Variants in PAX7 observed in about 807,000 individuals in gnomAD.
The protein encoded by PAX7 is paired box 7.
In PAX7, 18 loss-of-function variants were observed where a neutral mutation model predicts 50.7. The observed-to-expected ratio is 0.36, with a 90% confidence interval of 0.25 to 0.53. PAX7 has a LOEUF of 0.53. Ranked by LOEUF, PAX7 falls within the 20% of genes least tolerant of loss-of-function variation. The pLI, the probability that PAX7 is intolerant of heterozygous loss-of-function variation, is 0.93. For synonymous variants in PAX7, 310 were observed against 290.4 expected, an observed-to-expected ratio of 1.07 and a Z score of -0.69; for missense variants, 644 against 702.9, an observed-to-expected ratio of 0.92 and a Z score of 0.95.
At chr1:18,679,335 G>C (rs1437410348) in intron 4 of PAX7, among the ~76,000 whole-genome samples, 2 of 152,248 alleles carry the variant, frequency 1.3e-5, no homozygotes, top group African/African-American at 4.8e-5. Flanking sequence ...CAGCACTGAG[G>C]AGGGGTGAGG....
chr1:18,643,615 A>G (rs1226865084), intron 4 of PAX7, among the ~76,000 whole-genome samples: 1 of 151,974 alleles, frequency 6.6e-6, no homozygotes, highest in Non-Finnish European at 1.5e-5. Flanking sequence ...GCGGGAGAGC[A>G]CGGGCCGAGA....
At chr1:18,703,059 C>G (rs2089241186) in intron 6 of PAX7, 35 bp from the exon 7 acceptor site, 2 of 1,588,464 alleles carry the variant, frequency 1.3e-6, no homozygotes, top group East Asian at 4.5e-5. Context: ...AGGATGAGGC[C>G]ACTTGCTTAG....
In PAX7 at chr1:18,705,993, C is replaced by G. The variant is rs143135533; in HGVS notation, c.1155+2697C>G. Among the ~76,000 whole-genome samples, 206 of 152,218 alleles carry G rather than the reference C, an allele frequency of 1.4e-3. 4 individuals are homozygous for G. The South Asian group carries it at 0.017, about 13-fold the overall frequency. ...CGGGTGCAGGGGCAGCAGGGCAGGCCGTGTGTGCTTCTGTGCATGTAAACC... is the reference window on the plus strand; with the variant it reads ...CGGGTGCAGGGGCAGCAGGGCAGGCGGTGTGTGCTTCTGTGCATGTAAACC... On this transcript the variant is annotated intron_variant, in intron 7 of 8. Transcript: ENST00000420770.
chr1:18,693,730 C>G (rs377345315), intron 5 of PAX7, among the ~76,000 whole-genome samples: 1 of 152,156 alleles, frequency 6.6e-6, no homozygotes, highest in South Asian at 2.1e-4. Context: ...AGGCCTCCCT[C>G]CCGCTCTGAT....
At chr1:18,650,456 G>A (rs1336044351) in intron 4 of PAX7, among the ~76,000 whole-genome samples, 1 of 152,208 alleles carries the variant, frequency 6.6e-6, no homozygotes, top group South Asian at 2.1e-4. Flanking sequence ...GATGGTGCTG[G>A]AAGGAGGATT....
chr1:18,715,701 T>C (rs1315408365), intron 7 of PAX7, among the ~76,000 whole-genome samples: 1 of 152,144 alleles, frequency 6.6e-6, no homozygotes, highest in African/African-American at 2.4e-5. Context: ...TTCTGTAAGG[T>C]GAGGCTAATA....
intron 8 of PAX7, among the ~76,000 whole-genome samples, chr1:18,740,508 G>C (rs573015128): frequency 6.6e-6 from 1 of 152,238 alleles, no homozygotes; most frequent in South Asian, 2.1e-4. Context: ...GAAGGAGAAC[G>C]CTGATACCTA....
chr1:18,744,008 C>A (rs1320687228), intron 8 of PAX7, among the ~76,000 whole-genome samples: 1 of 152,226 alleles, frequency 6.6e-6, no homozygotes, highest in Non-Finnish European at 1.5e-5. Flanking sequence ...GGCACACACA[C>A]CCTCAGACAC....
chr1:18,713,687 T>TAGTCAG (rs2100350753), intron 7 of PAX7, among the ~76,000 whole-genome samples: 1 of 152,240 alleles, frequency 6.6e-6, no homozygotes, highest in African/African-American at 2.4e-5. Context: ...GTGTGATTTC[T>TAGTCAG]AGTCAGACAG....
At position 18,639,848 on chromosome 1, in the gene PAX7, C is replaced by A. The variant is rs2282712; in HGVS notation, c.586+3477C>A. On this transcript the variant is annotated intron_variant, in intron 4 of 8. Coordinates refer to ENST00000420770, the MANE Select transcript of PAX7 (RefSeq NM_001135254.2). ...TGCACCAGTTTAAGCCAAAACTGAC[C>A]GGATCAGACCAGGGGCTCCGCTTTG... is the stretch of plus-strand genomic sequence containing the variant. Among the ~76,000 whole-genome samples, 130 of 152,228 alleles carry A rather than the reference C, an allele frequency of 8.5e-4. 5 individuals are homozygous for A. The East Asian group carries it at 0.023, about 27-fold the overall frequency.
intron 7 of PAX7, among the ~76,000 whole-genome samples, chr1:18,727,371 T>TAC (rs56258552): frequency 0.12 from 16,343 of 133,938 alleles, 1,178 homozygotes; most frequent in Non-Finnish European, 0.18. Flanking sequence ...CTCTCTCTCA[T>TAC]ACACACACAC....
At position 18,636,337 on chromosome 1, in the gene PAX7, C is replaced by G; in HGVS notation, c.552C>G (p.Ala184=). The G allele has an allele frequency of 6.2e-7, 1 of 1,614,208 alleles. No homozygotes were observed. Among genetic ancestry groups the G allele is most frequent in the Non-Finnish European group, 8.5e-7 (1 of 1,180,018 alleles). ...AGGAGGACGACGGCGAAAAGAAGGCCAAACACAGCATCGACGGCATCCTGG... is the reference window on the plus strand; with the variant it reads ...AGGAGGACGACGGCGAAAAGAAGGCGAAACACAGCATCGACGGCATCCTGG... ...DKKEDDGEKK[A]KHSIDGILGD... is the part of the protein sequence containing the mutation. The change falls in exon 4 of 9, where the codon GCC becomes GCG. Residue 184 remains alanine (A), a synonymous_variant. Coordinates refer to ENST00000420770, the MANE Select transcript of PAX7 (RefSeq NM_001135254.2). The surrounding 1 kb of genome is among the most constrained non-coding windows in gnomAD (Gnocchi z 5.1).
At position 18,746,887 on chromosome 1, in the gene PAX7, A is replaced by G. The variant is rs1187356818; in HGVS notation, c.*1958A>G. 2 of 231,552 alleles carry G rather than the reference A, an allele frequency of 8.6e-6. No individual in the cohort carries two copies. Among genetic ancestry groups the G allele is most frequent in the African/African-American group, 2.2e-5 (1 of 45,252 alleles). 14.3% of individuals were successfully genotyped at this position (231,552 alleles called of 1,614,324 possible). ...TCATATCTCTGGTTTAGAGAAACCTATGAATAACTGGGGACAAACAGACTC... is the reference window on the plus strand; with the variant it reads ...TCATATCTCTGGTTTAGAGAAACCTGTGAATAACTGGGGACAAACAGACTC... On this transcript the variant is annotated 3_prime_UTR_variant, in exon 9 of 9. Transcript: ENST00000420770.
intron 8 of PAX7, among the ~76,000 whole-genome samples, chr1:18,741,832 T>G (rs1479670411): frequency 6.6e-6 from 1 of 152,186 alleles, no homozygotes; most frequent in Non-Finnish European, 1.5e-5. Context: ...TGCCCTCTAG[T>G]GTTTTGCATG....
intron 4 of PAX7, among the ~76,000 whole-genome samples, chr1:18,678,335 G>T (rs1338659405): frequency 1.3e-5 from 2 of 152,096 alleles, no homozygotes; most frequent in Non-Finnish European, 2.9e-5. Context: ...GGAGGCGGAG[G>T]TTGCAGTGAG....
At chr1:18,688,515 A>G (rs979093676) in intron 4 of PAX7, among the ~76,000 whole-genome samples, 4 of 152,252 alleles carry the variant, frequency 2.6e-5, no homozygotes, top group Admixed American at 6.5e-5. Flanking sequence ...TAGTACTGCC[A>G]CATTGAACAC....
chr1:18,637,891 G>A (rs1019866349), intron 4 of PAX7, among the ~76,000 whole-genome samples: 1 of 152,246 alleles, frequency 6.6e-6, no homozygotes, highest in African/African-American at 2.4e-5. Context: ...CTGCCGAGGG[G>A]CCACGGGTCT....
intron 4 of PAX7, among the ~76,000 whole-genome samples, chr1:18,641,929 C>A (rs2088261792): frequency 6.6e-6 from 1 of 151,102 alleles, no homozygotes; most frequent in African/African-American, 2.4e-5. Context: ...GAGACTGCAT[C>A]GCAGCGTTAA....
intron 7 of PAX7, among the ~76,000 whole-genome samples, chr1:18,704,233 GT>G (rs1182597923): frequency 6.6e-6 from 1 of 152,204 alleles, no homozygotes; most frequent in East Asian, 1.9e-4. Flanking sequence ...CCAGCTCCCT[GT>G]TTTTTGTAAA....
Sources: allele counts gnomAD v4.1 joint callset (sites outside exome capture counted in the v4.1 genomes callset), GRCh38; gene constraint gnomAD v4.1.1; non-coding constraint Gnocchi (gnomAD v3.1); transcripts MANE v1.5; gene names NCBI Gene and HGNC (gene_info 2026-07-23, HGNC 2026-07-21).